ZNF407: variants seen among roughly 807,000 people sequenced by gnomAD.
The protein encoded by ZNF407 is zinc finger protein 407.
In ZNF407, 17 loss-of-function variants were observed where a neutral mutation model predicts 131.2. The observed-to-expected ratio is 0.13, with a 90% CI of 0.09 to 0.19. ZNF407 has a LOEUF of 0.19. Among genes scored for constraint, ZNF407 ranks in the 10% least tolerant of loss-of-function variants. ZNF407 has a pLI of 1.00. For synonymous variants in ZNF407, 1,156 were observed against 1,062.0 expected, an observed-to-expected ratio of 1.09 and a Z score of -1.72; for missense variants, 2,681 against 2,830.6, an observed-to-expected ratio of 0.95 and a Z score of 1.20.
At chr18:74,805,498 T>C (rs1411441796) in intron 4 of ZNF407, among the ~76,000 whole-genome samples, 1 of 152,256 alleles carries the variant, frequency 6.6e-6, no homozygotes, top group Non-Finnish European at 1.5e-5. Flanking sequence ...AACATAAGCA[T>C]ACTGTTAAAT....
chr18:74,908,192 A>G (rs1186902615), intron 7 of ZNF407, among the ~76,000 whole-genome samples: 2 of 152,200 alleles, frequency 1.3e-5, no homozygotes, highest in Non-Finnish European at 2.9e-5. Flanking sequence ...ATTATGCTAT[A>G]TAGCAGTATT....
At chr18:74,913,922 C>T in intron 7 of ZNF407, among the ~76,000 whole-genome samples, 1 of 152,052 alleles carries the variant, frequency 6.6e-6, no homozygotes, top group East Asian at 1.9e-4. Context: ...TAAGAAATTT[C>T]TTTTATTATG....
chr18:74,729,240 G>A (rs1968233755), intron 3 of ZNF407, among the ~76,000 whole-genome samples: 2 of 152,170 alleles, frequency 1.3e-5, no homozygotes, highest in African/African-American at 2.4e-5. Flanking sequence ...CTTATTACTG[G>A]TTACTGTTTA....
chr18:74,643,940 G>A (rs17055302), intron 3 of ZNF407, among the ~76,000 whole-genome samples: 11,194 of 151,890 alleles, frequency 0.074, 437 homozygotes, highest in East Asian at 0.12. Flanking sequence ...CTTAACTACC[G>A]TATATCTTGG....
At chr18:74,845,349 G>A (rs926730277) in intron 4 of ZNF407, among the ~76,000 whole-genome samples, 1 of 152,184 alleles carries the variant, frequency 6.6e-6, no homozygotes, top group Non-Finnish European at 1.5e-5. Context: ...CAGTAATGGA[G>A]AGATAGCGAG....
chr18:74,954,813 T>C (rs1249175375), intron 8 of ZNF407, among the ~76,000 whole-genome samples: 1 of 152,216 alleles, frequency 6.6e-6, no homozygotes, highest in Non-Finnish European at 1.5e-5. Context: ...AACACCATCA[T>C]TGCCATCCTT....
intron 3 of ZNF407, among the ~76,000 whole-genome samples, chr18:74,776,039 G>C (rs1969463852): frequency 6.6e-6 from 1 of 152,188 alleles, no homozygotes; most frequent in African/African-American, 2.4e-5. Context: ...TGAGCTTCGG[G>C]CAGGAACGCA....
At chr18:74,752,422 T>C (rs1000539296) in intron 3 of ZNF407, among the ~76,000 whole-genome samples, 5 of 152,226 alleles carry the variant, frequency 3.3e-5, no homozygotes, top group East Asian at 1.9e-4. Flanking sequence ...CCATTGCTTT[T>C]GGTGTTTTAG....
chr18:74,793,809 G>A (rs1691836840), intron 4 of ZNF407, among the ~76,000 whole-genome samples: 1 of 152,104 alleles, frequency 6.6e-6, no homozygotes, highest in Non-Finnish European at 1.5e-5. Context: ...GCATTTTCCC[G>A]GGAGGAAAGA....
At chr18:74,710,742 A>C (rs1967739697) in intron 3 of ZNF407, among the ~76,000 whole-genome samples, 1 of 152,336 alleles carries the variant, frequency 6.6e-6, no homozygotes, top group Non-Finnish European at 1.5e-5. Flanking sequence ...TGCAAGTTTT[A>C]GTAATTTCTT....
At chr18:74,980,005 G>A (rs188182813) in intron 8 of ZNF407, among the ~76,000 whole-genome samples, 283 of 152,000 alleles carry the variant, frequency 1.9e-3, no homozygotes, top group Non-Finnish European at 2.5e-3. Context: ...ACGTGGGGTC[G>A]CAAAGGGAGA....
At chr18:74,750,699 G>C (rs1449966557) in intron 3 of ZNF407, among the ~76,000 whole-genome samples, 3 of 152,104 alleles carry the variant, frequency 2.0e-5, no homozygotes, top group Non-Finnish European at 4.4e-5. Flanking sequence ...TTTTTGAGTG[G>C]ACATAAATTT....
intron 6 of ZNF407, among the ~76,000 whole-genome samples, chr18:74,887,981 G>A (rs911652574): frequency 1.3e-5 from 2 of 152,178 alleles, no homozygotes; most frequent in Admixed American, 6.5e-5. Flanking sequence ...AATAGACGTA[G>A]AATGTAGGGC....
chr18:74,669,985 C>T (rs10221304), intron 3 of ZNF407, among the ~76,000 whole-genome samples: 12,566 of 152,208 alleles, frequency 0.083, 691 homozygotes, highest in African/African-American at 0.15. Flanking sequence ...TGTGAGAGAG[C>T]GATAGCTTCA....
chr18:74,660,590 GA>G (rs1449350743), intron 3 of ZNF407, among the ~76,000 whole-genome samples: 3 of 152,060 alleles, frequency 2.0e-5, no homozygotes, highest in African/African-American at 7.2e-5. Flanking sequence ...AGCAGACTTA[GA>G]AGTTTAATTG....
At chr18:74,949,620 TAGAG>T (rs1025687889) in intron 8 of ZNF407, among the ~76,000 whole-genome samples, 14 of 152,336 alleles carry the variant, frequency 9.2e-5, no homozygotes, top group Admixed American at 4.6e-4. Context: ...TTGAGGGAAT[TAGAG>T]GGAGGGTTTC....
rs764005813 is a variant in ZNF407, at chr18:74,634,299, A to G, written c.3280A>G (p.Ile1094Val). Reference sequence around the variant, plus strand: ...TGGTTCTGCAGACATGTCCAAAAACATCATTATGCCTGAAGAAGAGCATCA... The same window carrying G: ...TGGTTCTGCAGACATGTCCAAAAACGTCATTATGCCTGAAGAAGAGCATCA... ...EAGSADMSKNIIMPEEEHQQN... is the reference protein window; with the variant it reads ...EAGSADMSKNVIMPEEEHQQN... The change falls in exon 2 of 9, where the codon ATC (isoleucine) becomes GTC (valine). Residue 1094 changes from isoleucine (I) to valine (V), a missense_variant. By Grantham distance (29) the Ile-to-Val change is conservative. Transcript: ENST00000299687. The G allele has an allele frequency of 6.2e-7, 1 of 1,614,028 alleles. No homozygotes were observed. Among genetic ancestry groups the G allele is most frequent in the South Asian group, 1.1e-5 (1 of 91,084 alleles).
At chr18:75,059,613 A>G (rs948535161) in intron 8 of ZNF407, among the ~76,000 whole-genome samples, 1 of 152,188 alleles carries the variant, frequency 6.6e-6, no homozygotes, top group South Asian at 2.1e-4. Flanking sequence ...AGCATACCAG[A>G]GAAAGAATGT....
At chr18:74,843,504 A>T (rs746708946) in intron 4 of ZNF407, among the ~76,000 whole-genome samples, 1 of 152,208 alleles carries the variant, frequency 6.6e-6, no homozygotes, top group Non-Finnish European at 1.5e-5. Context: ...AAAAATGATG[A>T]TTAAAAGTGT....
Sources: allele counts gnomAD v4.1 joint callset (sites outside exome capture counted in the v4.1 genomes callset), GRCh38; gene constraint gnomAD v4.1.1; transcripts MANE v1.5; gene names NCBI Gene and HGNC (gene_info 2026-07-23, HGNC 2026-07-21).